LRMDA: variants seen among roughly 807,000 people sequenced by gnomAD.
LRMDA encodes the protein leucine-rich melanocyte differentiation-associated protein.
LRMDA carries 18 observed loss-of-function variants against 29.8 expected under a neutral mutation model. That is an observed-to-expected ratio of 0.60 (90% CI 0.42 to 0.90). The LOEUF (loss-of-function observed/expected upper bound fraction) is 0.90, where lower values mean the gene tolerates loss of function less well. Among genes scored for constraint, LRMDA ranks in the 40% least tolerant of loss-of-function variants. LRMDA has a pLI of 0.00. For missense variants in LRMDA, 273 were observed against 273.9 expected (o/e 1.00, Z 0.02); for synonymous variants, 125 against 109.4 (o/e 1.14, Z -0.89).
chr10:76,096,592 A>G (rs1295632857), intron 5 of LRMDA, among the ~76,000 whole-genome samples: 2 of 152,076 alleles, frequency 1.3e-5, no homozygotes, highest in Non-Finnish European at 2.9e-5. Context: ...TGGGTATTCT[A>G]GTTCTTTTGC....
rs10552979 is a variant in LRMDA at position 75,917,961 on chromosome 10, GCACA to G, written c.132-118026_132-118023del. 6.7e-3 allele frequency among the ~76,000 whole-genome samples: 1,008 copies of G among 149,872 alleles called. 7 individuals carry two copies. The highest frequency in any genetic ancestry group is 0.019 in the African/African-American group (763 of 40,954). ...TGCACACCCACACATGCACATGTGC[GCACA>G]CACACACACACACACACACAGGCCT... On this transcript the variant is annotated intron_variant, in intron 2 of 6. Coordinates refer to ENST00000611255, the MANE Select transcript of LRMDA (RefSeq NM_001305581.2).
At chr10:76,255,052 G>T (rs1416963638) in intron 5 of LRMDA, among the ~76,000 whole-genome samples, 1 of 152,126 alleles carries the variant, frequency 6.6e-6, no homozygotes, top group Non-Finnish European at 1.5e-5. Flanking sequence ...TCTGCTCATA[G>T]CCAGCAACAT....
rs35311480 is a variant in LRMDA at position 76,152,848 on chromosome 10, CTTT to C, written c.516+94073_516+94075del. Reference sequence around the variant, plus strand: ...AAAACTGTCTATTCACATTTTTTGGCTTTTTTTTTTGAGACAGAGTATCACTCT... The same window carrying C: ...AAAACTGTCTATTCACATTTTTTGGCTTTTTTTGAGACAGAGTATCACTCT... On this transcript the variant is annotated intron_variant, in intron 5 of 6. Coordinates refer to ENST00000611255, the MANE Select transcript of LRMDA (RefSeq NM_001305581.2). Among the ~76,000 whole-genome samples, 26 of 148,144 alleles carry C rather than the reference CTTT, an allele frequency of 1.8e-4. 1 individual carries two copies. Among genetic ancestry groups the C allele is most frequent in the Admixed American group, 4.0e-4 (6 of 14,878 alleles).
chr10:75,960,908 C>G (rs1431856845), intron 2 of LRMDA, among the ~76,000 whole-genome samples: 2 of 151,918 alleles, frequency 1.3e-5, no homozygotes, highest in Admixed American at 6.5e-5. Context: ...AGCCACCACA[C>G]CCGGCCTGGT....
chr10:75,735,016 G>T (rs955860383), intron 2 of LRMDA, among the ~76,000 whole-genome samples: 17 of 152,162 alleles, frequency 1.1e-4, no homozygotes, highest in African/African-American at 4.1e-4. Context: ...ACTTATTCAT[G>T]ATGATGATTG....
chr10:76,503,804 T>C (rs947912099), intron 6 of LRMDA, among the ~76,000 whole-genome samples: 1 of 151,610 alleles, frequency 6.6e-6, no homozygotes, highest in Non-Finnish European at 1.5e-5. Context: ...ATCTTTTGCA[T>C]GGATTTTTGC....
chr10:75,734,516 A>C (rs1359244796), intron 2 of LRMDA, among the ~76,000 whole-genome samples: 1 of 152,188 alleles, frequency 6.6e-6, no homozygotes, highest in South Asian at 2.1e-4. Context: ...AGCTGTAAGA[A>C]TTTGTTACTC....
chr10:75,576,159 C>G (rs1438916357), intron 2 of LRMDA, among the ~76,000 whole-genome samples: 2 of 152,168 alleles, frequency 1.3e-5, no homozygotes, highest in African/African-American at 4.8e-5. Flanking sequence ...TGAGCCTGAC[C>G]TGGGACACTC....
chr10:75,580,433 G>C (rs1236886621), intron 2 of LRMDA, among the ~76,000 whole-genome samples: 1 of 152,176 alleles, frequency 6.6e-6, no homozygotes, highest in Non-Finnish European at 1.5e-5. Context: ...CAAACAAATG[G>C]AAGAACATTC....
At position 75,770,008 on chromosome 10, in the gene LRMDA, G is replaced by A. The variant is rs574154762; in HGVS notation, c.132-266000G>A. On this transcript the variant is annotated intron_variant, in intron 2 of 6. Transcript: ENST00000611255. The stretch of plus-strand genomic sequence containing the variant: ...AAAAAAAAATTATTTTAGGTTGGGT[G>A]TGATGGTTCAAGCTGGTAATCCCAG... 5.9e-5 allele frequency among the ~76,000 whole-genome samples: 9 copies of A among 152,056 alleles called. No individual in the cohort carries two copies. In the South Asian group the frequency reaches 1.9e-3, roughly 32 times the overall value.
intron 2 of LRMDA, among the ~76,000 whole-genome samples, chr10:76,004,322 A>G (rs926122357): frequency 6.6e-6 from 1 of 152,254 alleles, no homozygotes; most frequent in Non-Finnish European, 1.5e-5. Flanking sequence ...AAAGTAGACC[A>G]TATTTTCTGA....
intron 5 of LRMDA, among the ~76,000 whole-genome samples, chr10:76,266,943 G>T (rs1404212275): frequency 2.6e-5 from 4 of 152,128 alleles, no homozygotes; most frequent in African/African-American, 9.7e-5. Flanking sequence ...ATAGGCTAGA[G>T]TTTCCCAGGT....
At chr10:75,955,222 G>A (rs758317293) in intron 2 of LRMDA, among the ~76,000 whole-genome samples, 2 of 152,198 alleles carry the variant, frequency 1.3e-5, no homozygotes, top group Non-Finnish European at 2.9e-5. Context: ...AAAAATTGGT[G>A]TCTTTTAAAA....
intron 6 of LRMDA, among the ~76,000 whole-genome samples, chr10:76,384,891 C>G (rs889891624): frequency 6.6e-6 from 1 of 152,138 alleles, no homozygotes; most frequent in Non-Finnish European, 1.5e-5. Flanking sequence ...TAATAGCAGT[C>G]AATAAATTCT....
At chr10:75,871,234 T>C (rs1363990042) in intron 2 of LRMDA, among the ~76,000 whole-genome samples, 1 of 152,154 alleles carries the variant, frequency 6.6e-6, no homozygotes, top group Admixed American at 6.5e-5. Context: ...ACAGCTCCCA[T>C]GCAGAGTTTC....
chr10:76,085,949 G>A (rs921536841), intron 5 of LRMDA, among the ~76,000 whole-genome samples: 5 of 152,166 alleles, frequency 3.3e-5, no homozygotes, highest in African/African-American at 1.2e-4. Context: ...TCCCAGCAAT[G>A]GGGATCAGTC....
At chr10:75,896,348 G>C (rs986667296) in intron 2 of LRMDA, among the ~76,000 whole-genome samples, 1 of 152,184 alleles carries the variant, frequency 6.6e-6, no homozygotes, top group African/African-American at 2.4e-5. Context: ...TGATGATGAT[G>C]ATTATGTAAA....
At chr10:76,065,910 C>T (rs920681945) in intron 5 of LRMDA, among the ~76,000 whole-genome samples, 12 of 152,244 alleles carry the variant, frequency 7.9e-5, no homozygotes, top group South Asian at 2.1e-4. Context: ...TGCTCGCACA[C>T]GTCTGCCATT....
chr10:75,578,745 C>G (rs564652366), intron 2 of LRMDA, among the ~76,000 whole-genome samples: 147 of 150,930 alleles, frequency 9.7e-4, no homozygotes, highest in Middle Eastern at 3.4e-3. Flanking sequence ...GAAACGCACT[C>G]AAAACCTCAC....
Sources: allele counts gnomAD v4.1 joint callset (sites outside exome capture counted in the v4.1 genomes callset), GRCh38; gene constraint gnomAD v4.1.1; transcripts MANE v1.5; gene names NCBI Gene and HGNC (gene_info 2026-07-23, HGNC 2026-07-21).